SKP2: variants seen among roughly 807,000 people sequenced by gnomAD.
SKP2 encodes S-phase kinase associated protein 2.
A neutral mutation model predicts 51.8 loss-of-function variants in SKP2; 16 were observed. The ratio of observed to expected loss-of-function variants is 0.31; its 90% CI spans 0.21 to 0.47. The LOEUF (loss-of-function observed/expected upper bound fraction) is 0.47. Among genes scored for constraint, SKP2 ranks in the 20% least tolerant of loss-of-function variants. The probability of loss-of-function intolerance (pLI) is 1.00; values close to 1 mark genes in which losing one functional copy is unlikely to be tolerated. For missense variants in SKP2, 377 were observed against 505.3 expected, an observed-to-expected ratio of 0.75 and a Z score of 2.43; for synonymous variants, 176 against 198.6, an observed-to-expected ratio of 0.89 and a Z score of 0.96.
chr5:36,157,628 A>G (rs554349527), intron 2 of SKP2, among the ~76,000 whole-genome samples: 97 of 152,310 alleles, frequency 6.4e-4, no homozygotes, highest in Non-Finnish European at 1.2e-3. Context: ...AGCCAGCAAA[A>G]GCAATTCTGA....
In SKP2 at chr5:36,184,006, CAATA is replaced by C. The variant is rs1745902279; in HGVS notation, c.*1978_*1981del. On this transcript the variant is annotated 3_prime_UTR_variant, in exon 10 of 10. Transcript: ENST00000274255. ...CTACTTTTATAGACTTGTTTTAAAA[CAATA>C]AAACACATTTTTATAAAAATGAGTG... 6.8e-7 allele frequency: 1 copy of C among 1,476,376 alleles called. No homozygotes were observed. The highest frequency in any genetic ancestry group is 2.3e-5 in the East Asian group (1 of 43,426). 91.5% of individuals were successfully genotyped at this position (1,476,376 alleles called of 1,614,324 possible).
chr5:36,180,485 T>A (rs1745771211), intron 9 of SKP2, among the ~76,000 whole-genome samples: 1 of 152,216 alleles, frequency 6.6e-6, no homozygotes. Flanking sequence ...TTTTATAAAT[T>A]AGCCTTCATC....
downstream of SKP2, among the ~76,000 whole-genome samples, chr5:36,184,651 C>T (rs1359575748): frequency 2.0e-5 from 3 of 152,154 alleles, no homozygotes; most frequent in Non-Finnish European, 2.9e-5. Context: ...TTTTCTTGAT[C>T]CAGTCTATCA....
At position 36,176,954 on chromosome 5, in the gene SKP2, G is replaced by T. The variant is rs1467002922; in HGVS notation, c.902-11G>T. On this transcript the variant is annotated splice_polypyrimidine_tract_variant and intron_variant, in intron 7 of 9. Coordinates refer to ENST00000274255, the MANE Select transcript of SKP2 (RefSeq NM_005983.4). ...TTAATAGTGACCATCATGTTTTTTT[G>T]CTTTTCCTAGATCTCTCTACTTTAG... 5.1e-6 allele frequency: 8 copies of T among 1,560,724 alleles called. No individual in the cohort carries two copies. The Admixed American group carries it at 5.3e-5, about 10-fold the overall frequency.
At chr5:36,176,594 A>G (rs992382023) in intron 7 of SKP2, among the ~76,000 whole-genome samples, 17 of 151,460 alleles carry the variant, frequency 1.1e-4, no homozygotes, top group African/African-American at 4.1e-4. Context: ...CTGATCCATT[A>G]TTTCTCTTGT....
At chr5:36,176,840 A>T in intron 7 of SKP2, 125 bp from the exon 8 acceptor site, 1 of 592,922 alleles carries the variant, frequency 1.7e-6, no homozygotes, top group African/African-American at 1.9e-5. Context: ...TCTTTCTAAT[A>T]GTGTGTGGTT....
rs1745879878 is a variant in SKP2, at chr5:36,183,473, T to TA, written c.*1443dup. The TA allele has an allele frequency of 2.6e-6, 1 of 389,556 alleles. No homozygotes were observed. The highest frequency in any genetic ancestry group is 2.2e-5 in the African/African-American group (1 of 45,774). The allele number at this position is 389,556 out of a possible 1,614,324, so 24.1% of individuals were successfully genotyped here. A position where few individuals can be genotyped will look rare whatever the true frequency, so the allele number is the denominator to read the frequency against. On this transcript the variant is annotated 3_prime_UTR_variant, in exon 10 of 10. Coordinates refer to ENST00000274255, the MANE Select transcript of SKP2 (RefSeq NM_005983.4). ...TAGTAGAGACGGGGTTTCACCATGT[T>TA]AGCCAGGATGGTCTCAATCTCCTGA...
chr5:36,165,577 T>G (rs901412089), intron 3 of SKP2, among the ~76,000 whole-genome samples: 2 of 152,176 alleles, frequency 1.3e-5, no homozygotes, highest in African/African-American at 2.4e-5. Context: ...GCAAGAAAGA[T>G]ACAAAAGTGT....
At chr5:36,155,970 TCCTC>T (rs1744933139) in intron 2 of SKP2, among the ~76,000 whole-genome samples, 1 of 152,178 alleles carries the variant, frequency 6.6e-6, no homozygotes. Context: ...TGGAAGATCT[TCCTC>T]CTTCCACTCA....
chr5:36,158,307 G>A (rs1014153649), intron 2 of SKP2, among the ~76,000 whole-genome samples: 1 of 152,252 alleles, frequency 6.6e-6, no homozygotes, highest in African/African-American at 2.4e-5. Flanking sequence ...GATGGCTAAT[G>A]TTTTGAGAAT....
chr5:36,180,140 C>G (rs1745758646), intron 9 of SKP2: 1 of 522,192 alleles, frequency 1.9e-6, no homozygotes, highest in Non-Finnish European at 3.7e-6. Flanking sequence ...CTTACTCCAC[C>G]TACAGTTTCT....
Position 36,168,381 on chromosome 5 carries a change from T to C in SKP2, c.605T>C (p.Leu202Pro). The change falls in exon 5 of 10, where the codon CTG (leucine) becomes CCG (proline). Residue 202 changes from leucine to proline, a missense_variant. Coordinates refer to ENST00000274255, the MANE Select transcript of SKP2 (RefSeq NM_005983.4). ...VIEVSTLHGI[L>P]SQCSKLQNLS... ...GAAGTGTCCACCCTCCACGGCATAC[T>C]GTCTCAGTGTTCCAAGTTGCAGAAT... 6.2e-7 allele frequency: 1 copy of C among 1,614,126 alleles called. No individual in the cohort carries two copies. The highest frequency in any genetic ancestry group is 8.5e-7 in the Non-Finnish European group (1 of 1,179,954).
In SKP2 at chr5:36,152,990, C is replaced by G; in HGVS notation, c.228C>G (p.Asp76Glu). ...PRKRLKSKGSDKDFVIVRRPK... is the reference protein window; with the variant it reads ...PRKRLKSKGSEKDFVIVRRPK... ...AACGGCTGAAGAGCAAAGGGAGTGA[C>G]AAAGACTTTGTGATTGTCCGCAGGC... The change falls in exon 2 of 10, where the codon GAC becomes GAG. Residue 76 changes from aspartate to glutamate, a missense_variant. Physicochemically the swap from Asp to Glu is conservative, Grantham distance 45. Around this residue, in one of 2 missense-constraint regions of SKP2, gnomAD observed 115 missense variants for 115.5 expected, o/e 1.00. Transcript: ENST00000274255. 1 of 1,614,120 alleles carries G rather than the reference C, an allele frequency of 6.2e-7. No individual in the cohort carries two copies. The highest frequency in any genetic ancestry group is 8.5e-7 in the Non-Finnish European group (1 of 1,180,026).
chr5:36,175,416 G>A (rs940498529), intron 7 of SKP2, among the ~76,000 whole-genome samples: 1 of 152,080 alleles, frequency 6.6e-6, no homozygotes, highest in Non-Finnish European at 1.5e-5. Flanking sequence ...GAATTTAGGA[G>A]AGGGGATATA....
intron 6 of SKP2, among the ~76,000 whole-genome samples, 172 bp downstream of exon 6, chr5:36,170,614 A>G (rs1393513766): frequency 6.6e-6 from 1 of 152,200 alleles, no homozygotes; most frequent in Non-Finnish European, 1.5e-5. Flanking sequence ...TCAGGAGCCA[A>G]GTCAATTGAG....
At chr5:36,187,847 C>G (rs1184645708), downstream of SKP2, among the ~76,000 whole-genome samples, 1 of 151,994 alleles carries the variant, frequency 6.6e-6, no homozygotes, top group Non-Finnish European at 1.5e-5. Context: ...TTAAAGTCTC[C>G]CATTATTATT....
At chr5:36,190,070 A>G (rs10941277) in intron 6 of SKP2, among the ~76,000 whole-genome samples, 48,474 of 152,082 alleles carry the variant, frequency 0.32, 9,589 homozygotes, top group Non-Finnish European at 0.44. Flanking sequence ...CCATTGGAAA[A>G]GCACAGTATT....
intron 2 of SKP2, among the ~76,000 whole-genome samples, chr5:36,161,919 A>G (rs905599863): frequency 6.6e-6 from 1 of 152,186 alleles, no homozygotes; most frequent in South Asian, 2.1e-4. Context: ...ACTGTTTTTT[A>G]GGATTCCTTC....
chr5:36,189,169 A>C (rs559796752), downstream of SKP2, among the ~76,000 whole-genome samples: 1 of 152,246 alleles, frequency 6.6e-6, no homozygotes, highest in East Asian at 1.9e-4. Flanking sequence ...CATGGGTTCA[A>C]ACTTCCTCCT....
Sources: gnomAD v4.1 joint callset for allele counts (sites outside exome capture counted in the v4.1 genomes callset) on GRCh38, gnomAD v4.1.1 for gene constraint, gnomAD v4.1.1 regional missense constraint, MANE v1.5 for transcripts, NCBI Gene and HGNC (gene_info 2026-07-23, HGNC 2026-07-21) for gene names.